MYT1L: variants seen among roughly 807,000 people sequenced by gnomAD.
The protein encoded by MYT1L is myelin transcription factor 1-like protein.
A neutral mutation model predicts 126.7 loss-of-function variants in MYT1L; 12 were observed. That is an observed-to-expected ratio of 0.09 (90% CI 0.06 to 0.15). The LOEUF is 0.15. MYT1L is among the 10% of genes least tolerant of loss of function. MYT1L has a pLI of 1.00. For synonymous variants in MYT1L, 541 were observed against 604.2 expected (o/e 0.90, Z 1.53); for missense variants, 979 against 1,585.2 (o/e 0.62, Z 6.49).
chr2:1,905,032 G>A (rs985392953), intron 13 of MYT1L, among the ~76,000 whole-genome samples: 2 of 151,666 alleles, frequency 1.3e-5, no homozygotes, highest in Non-Finnish European at 2.9e-5. Flanking sequence ...TCCTGACCTC[G>A]TGATCCACCC....
At chr2:2,137,513 C>T (rs76371495) in intron 3 of MYT1L, among the ~76,000 whole-genome samples, 5,400 of 152,196 alleles carry the variant, frequency 0.035, 109 homozygotes, top group East Asian at 0.078. Context: ...TGGAACAGAA[C>T]AGAGCCCTCA....
intron 4 of MYT1L, among the ~76,000 whole-genome samples, chr2:2,000,430 T>C (rs937044953): frequency 2.6e-5 from 4 of 152,230 alleles, no homozygotes; most frequent in African/African-American, 9.6e-5. Flanking sequence ...TTCTGTTTAT[T>C]TGCTTTTGAA....
chr2:2,213,536 C>T (rs1317011313), intron 2 of MYT1L, among the ~76,000 whole-genome samples: 1 of 152,126 alleles, frequency 6.6e-6, no homozygotes, highest in Non-Finnish European at 1.5e-5. Flanking sequence ...GCAGTGCTGA[C>T]CCAGGGCAGG....
chr2:2,023,645 A>G (rs970934826), intron 4 of MYT1L, among the ~76,000 whole-genome samples: 5 of 151,084 alleles, frequency 3.3e-5, no homozygotes, highest in African/African-American at 9.7e-5. Flanking sequence ...TTCAAACAAC[A>G]TAGAGGACTG....
intron 2 of MYT1L, among the ~76,000 whole-genome samples, chr2:2,244,372 C>T (rs1348102112): frequency 1.3e-5 from 2 of 152,116 alleles, no homozygotes; most frequent in African/African-American, 4.8e-5. Flanking sequence ...ATAATAATCT[C>T]ATAAATAAAA....
chr2:1,927,248 C>A (rs1336734186), intron 9 of MYT1L, among the ~76,000 whole-genome samples: 1 of 152,076 alleles, frequency 6.6e-6, no homozygotes, highest in South Asian at 2.1e-4. Context: ...TTCTTCCTTC[C>A]TATCAGCCAG....
chr2:1,908,040 T>C (rs2051336581), intron 13 of MYT1L, among the ~76,000 whole-genome samples: 1 of 152,204 alleles, frequency 6.6e-6, no homozygotes, highest in South Asian at 2.1e-4. Flanking sequence ...GTCTCTTTCT[T>C]CTTGTTAAAA....
At position 2,083,570 on chromosome 2, in the gene MYT1L, C is replaced by A. The variant is rs2076055462; in HGVS notation, c.-303-29447G>T. On this transcript the variant is annotated intron_variant, in intron 3 of 24. Transcript: ENST00000647738. ...GCCACCTTTCCTGCAAGGCGATTCA[C>A]TCTATAGGAAACCGGTTTAACCAGA... Among the ~76,000 whole-genome samples the A allele has an allele frequency of 9.2e-5, 14 of 152,238 alleles. 1 individual carries two copies. Among genetic ancestry groups the A allele is most frequent in the Admixed American group, 9.2e-4 (14 of 15,288 alleles).
At chr2:2,293,255 G>GT (rs1487598955) in intron 1 of MYT1L, among the ~76,000 whole-genome samples, 2 of 152,136 alleles carry the variant, frequency 1.3e-5, no homozygotes, top group Non-Finnish European at 2.9e-5. Flanking sequence ...AAAAGAACAA[G>GT]AACAGCACCG....
chr2:2,298,894 C>T (rs553619284), intron 1 of MYT1L, among the ~76,000 whole-genome samples: 162 of 152,154 alleles, frequency 1.1e-3, no homozygotes, highest in Admixed American at 4.1e-3. Flanking sequence ...CGCTGTGTCC[C>T]CAGGCTGGAG....
chr2:1,897,014 G>A (rs556855296), intron 14 of MYT1L, among the ~76,000 whole-genome samples: 137 of 152,218 alleles, frequency 9.0e-4, no homozygotes, highest in African/African-American at 3.1e-3. Context: ...GGATGGTACC[G>A]AATTTTAGTC....
At chr2:2,247,009 A>C (rs1305558416) in intron 2 of MYT1L, among the ~76,000 whole-genome samples, 1 of 152,100 alleles carries the variant, frequency 6.6e-6, no homozygotes, top group Non-Finnish European at 1.5e-5. Flanking sequence ...CTTTGGAAAA[A>C]ATCAGTCTGT....
In MYT1L at chr2:2,181,220, CTGTG is replaced by C. The variant is rs371916431; in HGVS notation, c.-420-8236_-420-8233del. Among the ~76,000 whole-genome samples the C allele has an allele frequency of 3.3e-3, 502 of 151,388 alleles. 9 individuals carry two copies. Among genetic ancestry groups the C allele is most frequent in the East Asian group, 7.2e-3 (37 of 5,112 alleles). Reference sequence around the variant, plus strand: ...GTGTGCCGTGTACCTGTGTTTGTGCCTGTGTGTGTACCTGTGTATATCTGTGTGT... The same window carrying C: ...GTGTGCCGTGTACCTGTGTTTGTGCCTGTGTACCTGTGTATATCTGTGTGT... On this transcript the variant is annotated intron_variant, in intron 2 of 24. Transcript: ENST00000647738.
Position 2,059,399 on chromosome 2 carries a change from C to T in MYT1L, c.-303-5276G>A, listed in dbSNP as rs530294073. Among the ~76,000 whole-genome samples, 21 of 152,272 alleles carry T rather than the reference C, an allele frequency of 1.4e-4. No homozygotes were observed. Among genetic ancestry groups the T allele is most frequent in the African/African-American group, 4.8e-4 (20 of 41,552 alleles). ...GTCTCGTGGCACCATAGTAAGCACCCGGCGGCGGTCTCACAGCACCGCAGG... is the reference window on the plus strand; with the variant it reads ...GTCTCGTGGCACCATAGTAAGCACCTGGCGGCGGTCTCACAGCACCGCAGG... On this transcript the variant is annotated intron_variant, in intron 3 of 24. Transcript: ENST00000647738. This position sits in a 1 kb window ranked among gnomAD's most constrained non-coding sequence, Gnocchi z 4.7.
chr2:1,856,162 CTGACTT>C (rs551590092), intron 18 of MYT1L, among the ~76,000 whole-genome samples: 191 of 152,334 alleles, frequency 1.3e-3, no homozygotes, highest in African/African-American at 4.4e-3. Context: ...ATTTGGAACT[CTGACTT>C]TAAGGCAAGA....
intron 3 of MYT1L, among the ~76,000 whole-genome samples, chr2:2,091,340 A>G (rs2076900778): frequency 6.6e-6 from 1 of 152,368 alleles, no homozygotes; most frequent in South Asian, 2.1e-4. Context: ...GGCCAGGCAC[A>G]CTGTCAATAA....
chr2:2,233,141 A>G (rs988190985), intron 2 of MYT1L, among the ~76,000 whole-genome samples: 1 of 152,204 alleles, frequency 6.6e-6, no homozygotes, highest in African/African-American at 2.4e-5. Flanking sequence ...TAATATACAC[A>G]TTTTTTAAGT....
chr2:1,888,397 A>G (rs1301701509), intron 16 of MYT1L, among the ~76,000 whole-genome samples: 1 of 152,220 alleles, frequency 6.6e-6, no homozygotes, highest in Non-Finnish European at 1.5e-5. Context: ...TGGATATTGA[A>G]ATCAATTTGA....
intron 21 of MYT1L, among the ~76,000 whole-genome samples, chr2:1,838,918 T>A (rs1203246386): frequency 6.6e-6 from 1 of 152,222 alleles, no homozygotes; most frequent in East Asian, 1.9e-4. Context: ...ACTGCTGTGG[T>A]CATCTATAGA....
Sources: allele counts gnomAD v4.1 joint callset (sites outside exome capture counted in the v4.1 genomes callset), GRCh38; gene constraint gnomAD v4.1.1; non-coding constraint Gnocchi (gnomAD v3.1); transcripts MANE v1.5; gene names NCBI Gene and HGNC (gene_info 2026-07-23, HGNC 2026-07-21).